The following CDKN2B-AS1 variants were observed in gnomAD, a reference collection of about 807,000 sequenced individuals.
CDKN2B-AS1 encodes the protein CDKN2B antisense RNA 1 (non-protein coding).
chr9:22,028,864 C>A (rs753389901), intron 1 of CDKN2B-AS1, among the ~76,000 whole-genome samples: 3 of 152,034 alleles, frequency 2.0e-5, no homozygotes, highest in Non-Finnish European at 4.4e-5. Context: ...AAATAAATTA[C>A]TAAAGTATAA....
chr9:22,079,778 T>A (rs1030095349), intron 4 of CDKN2B-AS1, among the ~76,000 whole-genome samples: 5 of 152,202 alleles, frequency 3.3e-5, no homozygotes, highest in Non-Finnish European at 5.9e-5. Flanking sequence ...CAGATGCCCA[T>A]GTCCCTTCTC....
intron 1 of CDKN2B-AS1, among the ~76,000 whole-genome samples, chr9:22,026,693 T>C (rs1355524343): frequency 6.6e-6 from 1 of 152,192 alleles, no homozygotes; most frequent in Non-Finnish European, 1.5e-5. Flanking sequence ...GGGGTATGTT[T>C]GGGGGTCTAA....
intron 4 of CDKN2B-AS1, among the ~76,000 whole-genome samples, chr9:22,103,064 C>G (rs776555662): frequency 4.0e-5 from 6 of 151,236 alleles, no homozygotes; most frequent in Non-Finnish European, 5.9e-5. Flanking sequence ...ATCCAGAAAA[C>G]TAGAAATCTT....
intron 1 of CDKN2B-AS1, among the ~76,000 whole-genome samples, chr9:22,017,836 A>T (rs1267842228): frequency 6.8e-6 from 1 of 146,048 alleles, no homozygotes; most frequent in African/African-American, 2.7e-5. Context: ...TTAGTAACCA[A>T]CCTTAAACTA....
chr9:22,091,888 C>T (rs1299423175), intron 4 of CDKN2B-AS1, among the ~76,000 whole-genome samples: 1 of 152,120 alleles, frequency 6.6e-6, no homozygotes, highest in Non-Finnish European at 1.5e-5. Flanking sequence ...AGAGGGCATC[C>T]CTGTCTTGTG....
intron 1 of CDKN2B-AS1, among the ~76,000 whole-genome samples, chr9:22,040,348 G>C (rs1166173926): frequency 6.6e-6 from 1 of 151,914 alleles, no homozygotes; most frequent in African/African-American, 2.4e-5. Flanking sequence ...AAGGTGTCAT[G>C]GCTATTTCAT....
In CDKN2B-AS1 at chr9:21,999,190, A is replaced by G. The variant is rs1296514969; in HGVS notation, n.29+4029A>G. Among the ~76,000 whole-genome samples, 1 of 152,064 alleles carries G rather than the reference A, an allele frequency of 6.6e-6. No homozygotes were observed. Among genetic ancestry groups the G allele is most frequent in the East Asian group, 1.9e-4 (1 of 5,196 alleles). On this transcript the variant is annotated intron_variant and non_coding_transcript_variant, in intron 1 of 4. Transcript: ENST00000650946. This position sits in a 1 kb window ranked among gnomAD's most constrained non-coding sequence, Gnocchi z 4.7. ...AATTGTTTTGAAAGGCAGCATTACAATATCTAGTCAAAACTGTATGAGAAT... is the reference window on the plus strand; with the variant it reads ...AATTGTTTTGAAAGGCAGCATTACAGTATCTAGTCAAAACTGTATGAGAAT...
intron 4 of CDKN2B-AS1, among the ~76,000 whole-genome samples, chr9:22,096,060 A>G (rs145942489): frequency 3.3e-5 from 5 of 152,140 alleles, no homozygotes; most frequent in African/African-American, 1.2e-4. Flanking sequence ...GTGTTGAGAC[A>G]TAATTGAAAT....
At chr9:22,054,549 A>T (rs1823477459) in intron 3 of CDKN2B-AS1, among the ~76,000 whole-genome samples, 1 of 151,990 alleles carries the variant, frequency 6.6e-6, no homozygotes, top group Admixed American at 6.6e-5. Flanking sequence ...TTATTTTTCT[A>T]GTGAGAAAAC....
At chr9:22,052,178 A>T (rs1264654900) in intron 3 of CDKN2B-AS1, among the ~76,000 whole-genome samples, 4 of 152,198 alleles carry the variant, frequency 2.6e-5, no homozygotes, top group Non-Finnish European at 4.4e-5. Flanking sequence ...CAATGAAATT[A>T]CAAGTACTAT....
At chr9:22,047,408 C>T (rs760352834) in intron 2 of CDKN2B-AS1, among the ~76,000 whole-genome samples, 5 of 152,154 alleles carry the variant, frequency 3.3e-5, no homozygotes, top group Non-Finnish European at 5.9e-5. Context: ...GATTTAATTT[C>T]AACCTGAGCA....
At chr9:22,108,943 A>G (rs10217720) in intron 4 of CDKN2B-AS1, among the ~76,000 whole-genome samples, 8,747 of 152,186 alleles carry the variant, frequency 0.057, 651 homozygotes, top group African/African-American at 0.17. Context: ...AACAAAACAA[A>G]ATAAAAAAAA....
At chr9:22,047,937 A>C (rs1284277567) in intron 2 of CDKN2B-AS1, among the ~76,000 whole-genome samples, 1 of 146,844 alleles carries the variant, frequency 6.8e-6, no homozygotes, top group Non-Finnish European at 1.5e-5. Flanking sequence ...TTTGATGTGC[A>C]CTCCCATGTG....
At chr9:22,099,683 G>A (rs1163999241) in intron 4 of CDKN2B-AS1, among the ~76,000 whole-genome samples, 1 of 152,078 alleles carries the variant, frequency 6.6e-6, no homozygotes, top group African/African-American at 2.4e-5. Context: ...CTGAGATGGT[G>A]GGGTGGTAAA....
intron 4 of CDKN2B-AS1, among the ~76,000 whole-genome samples, chr9:22,060,640 A>G (rs1488203512): frequency 1.3e-5 from 2 of 152,112 alleles, no homozygotes; most frequent in African/African-American, 2.4e-5. Flanking sequence ...GCCCCACTCT[A>G]CTGGTACCAA....
intron 4 of CDKN2B-AS1, among the ~76,000 whole-genome samples, chr9:22,102,037 C>G (rs974153475): frequency 6.6e-5 from 10 of 152,166 alleles, no homozygotes; most frequent in African/African-American, 2.2e-4. Flanking sequence ...GTTGTGCCCA[C>G]AGAGTGCTGT....
Position 22,006,278 on chromosome 9 carries a change from G to A in CDKN2B-AS1, n.29+11117G>A. ...AGAGAGAGCAGAGTGGTCAGAGCCA[G>A]GGTGGGGGCAGGTATGGGAGATGCC... is the stretch of plus-strand genomic sequence containing the variant. On this transcript the variant is annotated intron_variant and non_coding_transcript_variant, in intron 1 of 4. Coordinates refer to ENST00000650946, the Ensembl canonical transcript of CDKN2B-AS1. The surrounding 1 kb of genome is among the most constrained non-coding windows in gnomAD (Gnocchi z 6.4). 6.2e-7 allele frequency: 1 copy of A among 1,600,326 alleles called. No homozygotes were observed. The highest frequency in any genetic ancestry group is 8.5e-7 in the Non-Finnish European group (1 of 1,179,806).
intron 4 of CDKN2B-AS1, among the ~76,000 whole-genome samples, chr9:22,123,905 A>G (rs1002849290): frequency 4.6e-5 from 7 of 152,186 alleles, no homozygotes; most frequent in Admixed American, 3.3e-4. Context: ...CTTGTTCTCT[A>G]TAGATAGATG....
At chr9:22,098,555 C>T (rs1825370420) in intron 4 of CDKN2B-AS1, among the ~76,000 whole-genome samples, 1 of 152,108 alleles carries the variant, frequency 6.6e-6, no homozygotes. Context: ...TTTCAGGGTA[C>T]ATCAAATGCA....
Sources: allele counts gnomAD v4.1 joint callset (sites outside exome capture counted in the v4.1 genomes callset), GRCh38; gene constraint gnomAD v4.1.1; non-coding constraint Gnocchi (gnomAD v3.1); transcripts MANE v1.5; gene names NCBI Gene and HGNC (gene_info 2026-07-23, HGNC 2026-07-21).